Variants in N4BP2 observed in about 807,000 individuals in gnomAD.
N4BP2 encodes NEDD4 binding protein 2, also known as NEDD4-binding protein 2.
In N4BP2, 91 loss-of-function variants were observed where a neutral mutation model predicts 152.8. The ratio of observed to expected loss-of-function variants is 0.60; its 90% confidence interval spans 0.50 to 0.71. The LOEUF (loss-of-function observed/expected upper bound fraction) is 0.71. Among genes scored for constraint, N4BP2 ranks in the 30% least tolerant of loss-of-function variants. The probability of loss-of-function intolerance (pLI) is 0.00; values close to 1 mark genes in which losing one functional copy is unlikely to be tolerated. For synonymous variants in N4BP2, 646 were observed against 705.3 expected, an observed-to-expected ratio of 0.92 and a Z score of 1.33; for missense variants, 1,923 against 2,059.1, an observed-to-expected ratio of 0.93 and a Z score of 1.28.
intron 4 of N4BP2, among the ~76,000 whole-genome samples, chr4:40,106,610 G>T (rs111418993): frequency 1.9e-4 from 29 of 152,062 alleles, no homozygotes; most frequent in African/African-American, 6.8e-4. Flanking sequence ...GTACGGTGGC[G>T]CAATCTCAGC....
chr4:40,100,543 G>A (rs1352992069), intron 3 of N4BP2, among the ~76,000 whole-genome samples: 2 of 151,924 alleles, frequency 1.3e-5, no homozygotes, highest in East Asian at 3.9e-4. Flanking sequence ...TACCACACTG[G>A]TTAATTTTTG....
At chr4:40,073,914 T>G (rs1712464355) in intron 2 of N4BP2, among the ~76,000 whole-genome samples, 2 of 152,298 alleles carry the variant, frequency 1.3e-5, no homozygotes, top group East Asian at 3.9e-4. Context: ...TGCCTCAGCC[T>G]CCCAAGTAGC....
At chr4:40,174,996 T>A in the N4BP2 span, among the ~76,000 whole-genome samples, 2 of 152,080 alleles carry the variant, frequency 1.3e-5, no homozygotes, top group African/African-American at 4.8e-5. Flanking sequence ...AAAGTACTGC[T>A]TGGTCTCACT....
chr4:40,106,435 G>C (rs1429704425), intron 4 of N4BP2, among the ~76,000 whole-genome samples: 1 of 152,038 alleles, frequency 6.6e-6, no homozygotes, highest in Non-Finnish European at 1.5e-5. Context: ...TCTCAACTTA[G>C]CTTCCCAAGC....
At chr4:40,147,643 C>G (rs1410821890) in intron 16 of N4BP2, among the ~76,000 whole-genome samples, 1 of 150,648 alleles carries the variant, frequency 6.6e-6, no homozygotes, top group African/African-American at 2.4e-5. Flanking sequence ...GCTGACCCCC[C>G]ACCTCCCTCC....
chr4:40,078,682 C>T (rs981838392), intron 2 of N4BP2, among the ~76,000 whole-genome samples: 5 of 151,874 alleles, frequency 3.3e-5, no homozygotes, highest in East Asian at 1.9e-4. Context: ...TGCACCATTA[C>T]GCCCAGCTTA....
chr4:40,094,658 C>G (rs1274650093), intron 2 of N4BP2, among the ~76,000 whole-genome samples: 6 of 151,986 alleles, frequency 3.9e-5, no homozygotes, highest in African/African-American at 1.5e-4. Flanking sequence ...TGGGTTCAAG[C>G]AATTCTGCCT....
At chr4:40,111,835 T>C (rs188406604) in intron 5 of N4BP2, among the ~76,000 whole-genome samples, 257 of 151,806 alleles carry the variant, frequency 1.7e-3, no homozygotes, top group African/African-American at 5.8e-3. Flanking sequence ...AGGCTGGTCT[T>C]GAACTCCTGG....
chr4:40,140,711 G>A (rs1410747306), intron 14 of N4BP2, among the ~76,000 whole-genome samples: 2 of 151,688 alleles, frequency 1.3e-5, no homozygotes, highest in Non-Finnish European at 2.9e-5. Flanking sequence ...AAGGTCTCTG[G>A]TTTTCCTAGG....
intron 2 of N4BP2, among the ~76,000 whole-genome samples, chr4:40,076,095 G>T (rs1712704683): frequency 6.6e-6 from 1 of 152,206 alleles, no homozygotes; most frequent in Admixed American, 6.5e-5. Flanking sequence ...CAAAGTGCTG[G>T]AATTAGAGGT....
intron 12 of N4BP2, among the ~76,000 whole-genome samples, chr4:40,127,907 TGCCTCGG>T (rs1212593497): frequency 6.4e-4 from 98 of 152,300 alleles, no homozygotes; most frequent in African/African-American, 2.2e-3. Context: ...GTGATCCACC[TGCCTCGG>T]CCTCCCAGAG....
chr4:40,082,174 A>G (rs7661041), intron 2 of N4BP2, among the ~76,000 whole-genome samples: 22 of 151,400 alleles, frequency 1.5e-4, no homozygotes. Context: ...AAACTGGGAG[A>G]CTAAGGCAGG....
At chr4:40,059,739 G>A (rs1228839916) in intron 1 of N4BP2, among the ~76,000 whole-genome samples, 1 of 152,074 alleles carries the variant, frequency 6.6e-6, no homozygotes, top group African/African-American at 2.4e-5. Flanking sequence ...CATTGCCCTC[G>A]TCCTCATAGT....
the N4BP2 span, among the ~76,000 whole-genome samples, chr4:40,181,655 G>A: frequency 6.6e-6 from 1 of 152,158 alleles, no homozygotes; most frequent in African/African-American, 2.4e-5. Context: ...AAGAAGGAAA[G>A]GACAAAGAAG....
intron 5 of N4BP2, among the ~76,000 whole-genome samples, chr4:40,107,603 C>T (rs915463896): frequency 2.0e-5 from 3 of 151,546 alleles, no homozygotes; most frequent in African/African-American, 4.9e-5. Context: ...AGGCTGGTCT[C>T]GAACTCCTGA....
chr4:40,132,478 C>T (rs1718989019), intron 13 of N4BP2, among the ~76,000 whole-genome samples: 1 of 152,060 alleles, frequency 6.6e-6, no homozygotes, highest in Non-Finnish European at 1.5e-5. Context: ...AAATGACTAA[C>T]CAAATGAATG....
chr4:40,105,573 A>G (rs1560598447), intron 4 of N4BP2, among the ~76,000 whole-genome samples: 1 of 149,204 alleles, frequency 6.7e-6, no homozygotes, highest in African/African-American at 2.5e-5. Flanking sequence ...TTTAAGAGAC[A>G]GGGTCTTGCT....
intron 4 of N4BP2, among the ~76,000 whole-genome samples, chr4:40,104,557 A>G (rs753717660): frequency 6.6e-6 from 1 of 152,118 alleles, no homozygotes; most frequent in Non-Finnish European, 1.5e-5. Flanking sequence ...AAAACAATTT[A>G]ATATTATAGA....
At chr4:40,163,922 C>T in the N4BP2 span, among the ~76,000 whole-genome samples, 7,831 of 152,166 alleles carry the variant, frequency 0.051, 625 homozygotes, top group East Asian at 0.4. Flanking sequence ...ATAGCAGAGC[C>T]GGGTTTCAGA....
Sources: gnomAD v4.1 joint callset for allele counts (sites outside exome capture counted in the v4.1 genomes callset) on GRCh38, gnomAD v4.1.1 for gene constraint, MANE v1.5 for transcripts, NCBI Gene and HGNC (gene_info 2026-07-23, HGNC 2026-07-21) for gene names.